RNF216: variants seen among roughly 807,000 people sequenced by gnomAD.
RNF216 encodes the protein E3 ubiquitin-protein ligase RNF216.
Under a neutral mutation model 110.8 loss-of-function variants are expected in RNF216, and 72 were observed. The ratio of observed to expected loss-of-function variants is 0.65; its 90% CI spans 0.54 to 0.79. RNF216 has a LOEUF of 0.79. RNF216 is among the 30% of genes least tolerant of loss of function. The pLI is 0.00. For missense variants in RNF216, 1,342 were observed against 1,141.2 expected (o/e 1.18, Z -2.54); for synonymous variants, 495 against 407.5 (o/e 1.21, Z -2.59).
chr7:5,757,312 C>T (rs551045472), intron 2 of RNF216, among the ~76,000 whole-genome samples: 1 of 152,282 alleles, frequency 6.6e-6, no homozygotes, highest in Non-Finnish European at 1.5e-5. Context: ...AGCTTATCTT[C>T]TCAGTGCACT....
chr7:5,661,093 C>T (rs1465658155), intron 13 of RNF216, among the ~76,000 whole-genome samples: 2 of 152,136 alleles, frequency 1.3e-5, no homozygotes, highest in African/African-American at 2.4e-5. Flanking sequence ...GTATGCACCA[C>T]CATGCCCGGC....
Position 5,752,911 on chromosome 7 carries a change from G to A in RNF216, c.136C>T (p.Leu46=). Residue 46 remains leucine, a synonymous_variant, in exon 3 of 17, where the codon CTG becomes TTG. Coordinates refer to ENST00000389902, the MANE Select transcript of RNF216 (RefSeq NM_207111.4). ...TGCTGCTGAGGAGCTGGGGTGACCAGCATTGGAATCCTTTCCTCATCTGAG... is the reference window on the plus strand; with the variant it reads ...TGCTGCTGAGGAGCTGGGGTGACCAACATTGGAATCCTTTCCTCATCTGAG... The part of the protein sequence containing the change: ...DSSDEERIPM[L]VTPAPQQHEE... The A allele has an allele frequency of 6.2e-7, 1 of 1,612,014 alleles. No individual in the cohort carries two copies. The highest frequency in any genetic ancestry group is 2.2e-5 in the East Asian group (1 of 44,818).
In RNF216 at chr7:5,620,584, A is replaced by T. The variant is rs1786291795; in HGVS notation, c.*2276T>A. The T allele has an allele frequency of 6.6e-6, 1 of 152,292 alleles. No individual in the cohort carries two copies. Among genetic ancestry groups the T allele is most frequent in the Non-Finnish European group, 1.5e-5 (1 of 68,130 alleles). 9.4% of individuals were successfully genotyped at this position (152,292 alleles called of 1,614,324 possible). A position where few individuals can be genotyped will look rare whatever the true frequency, so the allele number is the denominator to read the frequency against. On this transcript the variant is annotated 3_prime_UTR_variant, in exon 17 of 17. Transcript: ENST00000389902. Reference sequence around the variant, plus strand: ...GCCTGGCTCGGGGAGGATCCTCAGGAATCAGGGACCCTCCAAGGAAAGAGG... The same window carrying T: ...GCCTGGCTCGGGGAGGATCCTCAGGTATCAGGGACCCTCCAAGGAAAGAGG...
At chr7:5,690,787 G>A (rs1253120814) in intron 13 of RNF216, among the ~76,000 whole-genome samples, 1 of 152,112 alleles carries the variant, frequency 6.6e-6, no homozygotes, top group Non-Finnish European at 1.5e-5. Context: ...CTCATGCCCC[G>A]ACAGCCTGCA....
chr7:5,667,866 T>A (rs748549962), intron 13 of RNF216, among the ~76,000 whole-genome samples: 2 of 152,076 alleles, frequency 1.3e-5, no homozygotes, highest in African/African-American at 2.4e-5. Flanking sequence ...CTGGATCAGA[T>A]TGGGGAAAGG....
At chr7:5,707,100 A>C (rs1248608973) in intron 13 of RNF216, among the ~76,000 whole-genome samples, 1 of 152,156 alleles carries the variant, frequency 6.6e-6, no homozygotes, top group Non-Finnish European at 1.5e-5. Flanking sequence ...GTGTGGATTT[A>C]TTTCTGAGCA....
rs1189316643 is a variant in RNF216 at position 5,774,713 on chromosome 7, T to C, written c.-70+6828A>G. ...GGAAATGCAGTGCTTATTAATAAAA[T>C]ACAGTTCAAGGGGGGAAAAAATCTT... is the stretch of plus-strand genomic sequence containing the variant. On this transcript the variant is annotated intron_variant, in intron 1 of 16. Coordinates refer to ENST00000389902, the MANE Select transcript of RNF216 (RefSeq NM_207111.4). Among the ~76,000 whole-genome samples, 3 of 140,192 alleles carry C rather than the reference T, an allele frequency of 2.1e-5. No individual in the cohort carries two copies. In the Admixed American group the frequency reaches 2.2e-4, roughly 10 times the overall value. The allele number at this position is 140,192 out of a possible 152,430, so 92.0% of individuals were successfully genotyped here.
At chr7:5,686,559 C>T (rs900861522) in intron 13 of RNF216, among the ~76,000 whole-genome samples, 1 of 152,240 alleles carries the variant, frequency 6.6e-6, no homozygotes, top group African/African-American at 2.4e-5. Flanking sequence ...CTGTACAATG[C>T]ACGCCAGTGT....
chr7:5,715,125 G>A lies in RNF216; in HGVS notation c.1761C>T (p.Cys587=), dbSNP rs755838897. 5.6e-6 allele frequency: 9 copies of A among 1,613,508 alleles called. No individual in the cohort carries two copies. Among genetic ancestry groups the A allele is most frequent in the South Asian group, 3.3e-5 (3 of 91,082 alleles). Residue 587 remains cysteine, a synonymous_variant, in exon 11 of 17, where the codon TGC becomes TGT. Coordinates refer to ENST00000389902, the MANE Select transcript of RNF216 (RefSeq NM_207111.4). The part of the protein sequence containing the change: ...GEFPFEELTQ[C]ADAHLFCKEC... ...CTTTGCAGAACAAGTGAGCATCTGC[G>A]CACTGCGTCAGCTCCTCGAATGGAA...
At position 5,652,545 on chromosome 7, in the gene RNF216, G is replaced by T. The variant is rs775996179; in HGVS notation, c.2062-35C>A. The T allele has an allele frequency of 8.6e-6, 12 of 1,396,172 alleles. No homozygotes were observed. The South Asian group carries it at 1.2e-4, about 13-fold the overall frequency. 86.5% of individuals were successfully genotyped at this position (1,396,172 alleles called of 1,614,324 possible). A position where few individuals can be genotyped will look rare whatever the true frequency, so the allele number is the denominator to read the frequency against. ...AAGGACAGACACAAAGACAACTCCT[G>T]GTGAGTGGACACCACAGAAGTTCCT... On this transcript the variant is annotated intron_variant, in intron 13 of 16. Coordinates refer to ENST00000389902, the MANE Select transcript of RNF216 (RefSeq NM_207111.4).
At chr7:5,776,418 C>CT (rs1796777488) in intron 1 of RNF216, among the ~76,000 whole-genome samples, 1 of 137,664 alleles carries the variant, frequency 7.3e-6, no homozygotes, top group Admixed American at 7.0e-5. Context: ...CCCGTCTCTA[C>CT]TTAAAAAAAA....
intron 15 of RNF216, among the ~76,000 whole-genome samples, chr7:5,626,519 C>A (rs1786715083): frequency 6.6e-6 from 1 of 151,888 alleles, no homozygotes; most frequent in Non-Finnish European, 1.5e-5. Context: ...GAGTTTGAGA[C>A]CAGCCTGGGC....
At chr7:5,682,904 C>T (rs1479273050) in intron 13 of RNF216, among the ~76,000 whole-genome samples, 4 of 152,012 alleles carry the variant, frequency 2.6e-5, no homozygotes, top group African/African-American at 9.7e-5. Context: ...CTTTGCATTG[C>T]GTTAATGTAG....
At chr7:5,728,263 A>G (rs1793878369) in intron 7 of RNF216, among the ~76,000 whole-genome samples, 1 of 151,670 alleles carries the variant, frequency 6.6e-6, no homozygotes, top group Non-Finnish European at 1.5e-5. Context: ...TTACCCTTTC[A>G]AAGCCCCTCT....
intron 15 of RNF216, among the ~76,000 whole-genome samples, chr7:5,636,649 C>T (rs901806704): frequency 2.0e-5 from 3 of 152,172 alleles, no homozygotes; most frequent in Non-Finnish European, 4.4e-5. Context: ...GGAATTCGAT[C>T]GGTCTCCTGG....
In RNF216 at chr7:5,629,711, C is replaced by G. The variant is rs527689643; in HGVS notation, c.2383-5586G>C. Among the ~76,000 whole-genome samples, 29 of 150,536 alleles carry G rather than the reference C, an allele frequency of 1.9e-4. No homozygotes were observed. In the South Asian group the frequency reaches 5.9e-3, roughly 31 times the overall value. Reference sequence around the variant, plus strand: ...GTGCAGTGGCAGGCGTCTGTAATCTCAACTACTCGGGAGGCTGAGGCAGGA... The same window carrying G: ...GTGCAGTGGCAGGCGTCTGTAATCTGAACTACTCGGGAGGCTGAGGCAGGA... On this transcript the variant is annotated intron_variant, in intron 15 of 16. Transcript: ENST00000389902.
intron 11 of RNF216, 33 bp downstream of exon 11, chr7:5,715,020 C>CT: frequency 6.3e-7 from 1 of 1,587,024 alleles, no homozygotes; most frequent in Non-Finnish European, 8.6e-7. Flanking sequence ...GGAATGTGTC[C>CT]TATATACATG....
intron 14 of RNF216, among the ~76,000 whole-genome samples, chr7:5,648,727 C>CA (rs10684747): frequency 0.21 from 18,510 of 89,654 alleles, 1,724 homozygotes; most frequent in African/African-American, 0.35. Flanking sequence ...GACTCTGTCT[C>CA]AAAAAAAAAA....
intron 13 of RNF216, among the ~76,000 whole-genome samples, chr7:5,664,091 G>A (rs1398491397): frequency 1.3e-5 from 2 of 152,096 alleles, no homozygotes; most frequent in African/African-American, 4.8e-5. Flanking sequence ...AGCGGCACAA[G>A]GTGCTGAATG....
Sources: allele counts gnomAD v4.1 joint callset (sites outside exome capture counted in the v4.1 genomes callset), GRCh38; gene constraint gnomAD v4.1.1; transcripts MANE v1.5; gene names NCBI Gene and HGNC (gene_info 2026-07-23, HGNC 2026-07-21).